The following XPO6 variants were observed in gnomAD, a reference collection of about 807,000 sequenced individuals.
XPO6 encodes exportin-6.
XPO6 carries 3 observed loss-of-function variants against 130.0 expected under a neutral mutation model. The observed-to-expected ratio is 0.02, with a 90% confidence interval of 0.01 to 0.06. The LOEUF is 0.06. XPO6 is among the 10% of genes least tolerant of loss of function. XPO6 has a pLI of 1.00. For missense variants in XPO6, 970 were observed against 1,393.0 expected (o/e 0.70, Z 4.83); for synonymous variants, 524 against 548.9 (o/e 0.95, Z 0.63).
At chr16:28,195,488 C>T (rs1266264326) in intron 1 of XPO6, among the ~76,000 whole-genome samples, 1 of 152,192 alleles carries the variant, frequency 6.6e-6, no homozygotes, top group African/African-American at 2.4e-5. Flanking sequence ...CGTGGTGGCT[C>T]ACACCTGTAA....
intron 9 of XPO6, among the ~76,000 whole-genome samples, chr16:28,138,414 C>T (rs1236749206): frequency 6.6e-6 from 1 of 151,982 alleles, no homozygotes. Flanking sequence ...CAAATGTAAC[C>T]CTAAATTAGA....
chr16:28,155,513 A>T (rs2043170159), intron 7 of XPO6: 1 of 152,248 alleles, frequency 6.6e-6, no homozygotes, highest in Non-Finnish European at 1.5e-5. Context: ...AATAACAAAG[A>T]AACACAGCTG....
At chr16:28,200,341 T>C (rs891157850) in intron 1 of XPO6, among the ~76,000 whole-genome samples, 9 of 152,192 alleles carry the variant, frequency 5.9e-5, no homozygotes, top group Admixed American at 5.9e-4. Context: ...GCTCCTCTAA[T>C]GGAAATGAAC....
At chr16:28,167,505 A>G (rs2043375722) in intron 5 of XPO6, among the ~76,000 whole-genome samples, 2 of 152,142 alleles carry the variant, frequency 1.3e-5, no homozygotes, top group Admixed American at 6.6e-5. Flanking sequence ...CAATTTCAAC[A>G]TCACCTTTCC....
chr16:28,207,502 C>T (rs1455904713), intron 1 of XPO6, among the ~76,000 whole-genome samples: 3 of 152,170 alleles, frequency 2.0e-5, no homozygotes, highest in Non-Finnish European at 4.4e-5. Flanking sequence ...TTATAGTATG[C>T]TAGCTCTTCC....
At chr16:28,194,724 G>A (rs2043832741) in intron 1 of XPO6, among the ~76,000 whole-genome samples, 1 of 152,136 alleles carries the variant, frequency 6.6e-6, no homozygotes, top group East Asian at 1.9e-4. Flanking sequence ...AAAAAGACTG[G>A]TCGTACATTC....
intron 17 of XPO6, among the ~76,000 whole-genome samples, chr16:28,110,944 T>C (rs2086905217): frequency 6.6e-6 from 1 of 152,184 alleles, no homozygotes; most frequent in Admixed American, 6.5e-5. Context: ...TATGTAACCA[T>C]GAAGCATATT....
intron 9 of XPO6, among the ~76,000 whole-genome samples, chr16:28,143,919 G>C (rs554854505): frequency 6.6e-6 from 1 of 152,204 alleles, no homozygotes; most frequent in Non-Finnish European, 1.5e-5. Context: ...ACAGGCAGGA[G>C]CCACCGCACT....
At chr16:28,210,194 T>C (rs1394026326) in intron 1 of XPO6, among the ~76,000 whole-genome samples, 3 of 152,332 alleles carry the variant, frequency 2.0e-5, no homozygotes, top group South Asian at 2.1e-4. Context: ...CTGCTCAGCA[T>C]TAATGGTGTA....
rs894152999 is a variant in XPO6 at position 28,107,393 on chromosome 16, A to G, written c.2497+129T>C. On this transcript the variant is annotated intron_variant, in intron 18 of 23. Transcript: ENST00000304658. ...AACATCACTGCCCTTTCCCCTCAGT[A>G]CCGGGTTTCGTTGCACGGAACAAGT... The G allele has an allele frequency of 2.3e-5, 26 of 1,107,096 alleles. No individual in the cohort carries two copies. In the African/African-American group the frequency reaches 3.4e-4, roughly 15 times the overall value. The allele number at this position is 1,107,096 out of a possible 1,614,324, so 68.6% of individuals were successfully genotyped here. A position where few individuals can be genotyped will look rare whatever the true frequency, so the allele number is the denominator to read the frequency against.
intron 9 of XPO6, among the ~76,000 whole-genome samples, chr16:28,142,271 T>C (rs891508640): frequency 2.6e-5 from 4 of 152,238 alleles, no homozygotes; most frequent in African/African-American, 9.6e-5. Flanking sequence ...TTAGTTAACA[T>C]AAATGTGGTC....
At chr16:28,136,881 A>G (rs2042789732) in intron 9 of XPO6, among the ~76,000 whole-genome samples, 1 of 152,230 alleles carries the variant, frequency 6.6e-6, no homozygotes, top group Admixed American at 6.5e-5. Context: ...TAAGCTCTCC[A>G]CATCAATCTG....
At chr16:28,180,873 CA>C in intron 2 of XPO6, 67 bp downstream of exon 2, 1 of 1,324,736 alleles carries the variant, frequency 7.5e-7, no homozygotes, top group South Asian at 1.3e-5. Flanking sequence ...CGGCTACGAA[CA>C]ACTCCTTCCT....
At position 28,101,955 on chromosome 16, in the gene XPO6, G is replaced by A; in HGVS notation, c.2947-10C>T. The A allele has an allele frequency of 6.2e-7, 1 of 1,611,250 alleles. No homozygotes were observed. Among genetic ancestry groups the A allele is most frequent in the Non-Finnish European group, 8.5e-7 (1 of 1,177,736 alleles). On this transcript the variant is annotated splice_polypyrimidine_tract_variant and intron_variant, in intron 21 of 23. Transcript: ENST00000304658. This position sits in a 1 kb window ranked among gnomAD's most constrained non-coding sequence, Gnocchi z 5.4. ...AGGACTGTCCGAAAGCCTAGGAAATGAGACCACCATTTTATAAACTGCAAG... is the reference window on the plus strand; with the variant it reads ...AGGACTGTCCGAAAGCCTAGGAAATAAGACCACCATTTTATAAACTGCAAG...
At chr16:28,169,170 G>A (rs2043410417) in intron 5 of XPO6, among the ~76,000 whole-genome samples, 1 of 152,190 alleles carries the variant, frequency 6.6e-6, no homozygotes, top group Non-Finnish European at 1.5e-5. Context: ...GCACACAGCA[G>A]CCACCCCAGT....
At chr16:28,209,691 T>C (rs1400463380) in intron 1 of XPO6, among the ~76,000 whole-genome samples, 2 of 148,208 alleles carry the variant, frequency 1.3e-5, no homozygotes, top group African/African-American at 2.5e-5. Context: ...AAGGAAGGAA[T>C]GAGTGCTACT....
At chr16:28,168,853 G>T (rs2043403710) in intron 5 of XPO6, among the ~76,000 whole-genome samples, 1 of 151,108 alleles carries the variant, frequency 6.6e-6, no homozygotes, top group Non-Finnish European at 1.5e-5. Flanking sequence ...GGGCTCAAGT[G>T]ATCCTCCCAC....
chr16:28,109,333 G>A (rs205365), intron 17 of XPO6, among the ~76,000 whole-genome samples: 86,448 of 148,890 alleles, frequency 0.58, 27,218 homozygotes, highest in South Asian at 0.72. Flanking sequence ...AGAAGAAAGA[G>A]GCAATGCAGC....
At chr16:28,119,333 A>G (rs920151268) in intron 14 of XPO6, among the ~76,000 whole-genome samples, 1 of 152,116 alleles carries the variant, frequency 6.6e-6, no homozygotes, top group African/African-American at 2.4e-5. Flanking sequence ...CACCATTTTA[A>G]AAGCAAACTC....
Sources: gnomAD v4.1 joint callset for allele counts (sites outside exome capture counted in the v4.1 genomes callset) on GRCh38, gnomAD v4.1.1 for gene constraint, Gnocchi (gnomAD v3.1) non-coding constraint, MANE v1.5 for transcripts, NCBI Gene and HGNC (gene_info 2026-07-23, HGNC 2026-07-21) for gene names.